Variants in XDH observed in about 807,000 individuals in gnomAD.
The protein encoded by XDH is xanthine dehydrogenase, also known as xanthine dehydrogenase/oxidase.
Under a neutral mutation model 156.1 loss-of-function variants are expected in XDH, and 138 were observed. The ratio of observed to expected loss-of-function variants is 0.88; its 90% CI spans 0.77 to 1.02. The LOEUF (loss-of-function observed/expected upper bound fraction) is 1.02. XDH is among the 50% of genes least tolerant of loss of function. The probability of loss-of-function intolerance (pLI) is 0.00; values close to 1 mark genes in which losing one functional copy is unlikely to be tolerated. For synonymous variants in XDH, 669 were observed against 625.7 expected, an observed-to-expected ratio of 1.07 and a Z score of -1.03; for missense variants, 1,849 against 1,684.9, an observed-to-expected ratio of 1.10 and a Z score of -1.71.
chr2:31,387,388 C>A (rs1686639847), intron 8 of XDH, among the ~76,000 whole-genome samples: 1 of 151,984 alleles, frequency 6.6e-6, no homozygotes, highest in South Asian at 2.1e-4. Context: ...AGAGAGCTCT[C>A]GTTTTTTGTT....
In XDH at chr2:31,405,907, A is replaced by T; in HGVS notation, c.100T>A (p.Leu34Met). 6.2e-7 allele frequency: 1 copy of T among 1,614,140 alleles called. No homozygotes were observed. The highest frequency in any genetic ancestry group is 8.5e-7 in the Non-Finnish European group (1 of 1,180,022). ...TTLLAYLRRK[L>M]GLSGTKLGCG... The stretch of plus-strand genomic sequence containing the variant: ...CACTCCCACTCCAAAGTCAGGATAC[A>T]CTTTCTTCTCAGGTAGGCCAAAAGG... The change falls in exon 2 of 36, where the codon TTG becomes ATG. Residue 34 changes from leucine to methionine, a missense_variant and splice_region_variant. Transcript: ENST00000379416.
In XDH at chr2:31,377,072, T is replaced by G; in HGVS notation, c.1408A>C (p.Thr470Pro). 1.9e-6 allele frequency: 3 copies of G among 1,614,120 alleles called. No individual in the cohort carries two copies. Among genetic ancestry groups the G allele is most frequent in the Non-Finnish European group, 2.5e-6 (3 of 1,180,012 alleles). The change falls in exon 14 of 36, where the codon ACT becomes CCT. Residue 470 changes from threonine (T) to proline (P), a missense_variant. By Grantham distance (38) the Thr-to-Pro change is conservative. Transcript: ENST00000379416. ...ANRTISALKT[T>P]QRQLSKLWKE... ...TCTTACTTGGAAAGCTGCCTCTGAG[T>G]GGTCTTGAGGGCTGAGATGGTTCTG...
chr2:31,355,848 T>A lies in XDH; in HGVS notation c.2632-5625A>T, dbSNP rs370324850. Among the ~76,000 whole-genome samples, 42 of 152,296 alleles carry A rather than the reference T, an allele frequency of 2.8e-4. 1 individual carries two copies. The East Asian group carries it at 5.0e-3, about 18-fold the overall frequency. On this transcript the variant is annotated intron_variant, in intron 24 of 35. Coordinates refer to ENST00000379416, the MANE Select transcript of XDH (RefSeq NM_000379.4). The stretch of plus-strand genomic sequence containing the variant: ...GATTAGCAGAATGGATTTACAAACA[T>A]GACCCAATTACATACTGTCTTCAAG...
intron 1 of XDH, 26 bp from the exon 2 acceptor site, chr2:31,405,990 A>T: frequency 6.2e-7 from 1 of 1,610,140 alleles, no homozygotes. Flanking sequence ...AAAGAAAAAT[A>T]TATCATAGGT....
chr2:31,386,366 C>T (rs759201165), intron 9 of XDH, 48 bp downstream of exon 9: 2 of 1,604,922 alleles, frequency 1.2e-6, no homozygotes, highest in Non-Finnish European at 1.7e-6. Flanking sequence ...GACCTAGAAA[C>T]ACCCCCAGAC....
Position 31,337,803 on chromosome 2 carries a change from C to A in XDH, c.3789G>T (p.Pro1263=). Residue 1263 remains proline, a synonymous_variant, in exon 35 of 36, where the codon CCG becomes CCT. Coordinates refer to ENST00000379416, the MANE Select transcript of XDH (RefSeq NM_000379.4). Reference sequence around the variant, plus strand: ...AGATAGAAGCAGCCAGGAAGAGGGGCGGCTCTCCAACAGCCTGAACACAGA... The same window carrying A: ...AGATAGAAGCAGCCAGGAAGAGGGGAGGCTCTCCAACAGCCTGAACACAGA... ...AIYASKAVGE[P]PLFLAASIFF... 1 of 1,614,036 alleles carries A rather than the reference C, an allele frequency of 6.2e-7. No individual in the cohort carries two copies. Among genetic ancestry groups the A allele is most frequent in the South Asian group, 1.1e-5 (1 of 91,054 alleles).
At chr2:31,382,618 C>T (rs1572550363) in intron 11 of XDH, among the ~76,000 whole-genome samples, 1 of 152,178 alleles carries the variant, frequency 6.6e-6, no homozygotes, top group African/African-American at 2.4e-5. Flanking sequence ...CCTCTCAATT[C>T]TGACTTCTCC....
chr2:31,358,114 T>C (rs1234768527), intron 24 of XDH, among the ~76,000 whole-genome samples: 1 of 152,108 alleles, frequency 6.6e-6, no homozygotes, highest in Non-Finnish European at 1.5e-5. Flanking sequence ...ACAGAACTCT[T>C]CACCCCAAAT....
intron 6 of XDH, among the ~76,000 whole-genome samples, chr2:31,389,089 A>G (rs1686691840): frequency 1.3e-5 from 2 of 152,210 alleles, no homozygotes; most frequent in African/African-American, 4.8e-5. Flanking sequence ...TGCTGAGATG[A>G]AAAAGTAGGG....
intron 5 of XDH, among the ~76,000 whole-genome samples, chr2:31,397,947 C>T (rs1163824156): frequency 6.6e-6 from 1 of 152,188 alleles, no homozygotes; most frequent in Non-Finnish European, 1.5e-5. Flanking sequence ...TCCTAGAATG[C>T]CCAGACTGAG....
rs370704181 is a variant in XDH, at chr2:31,388,225, A to G, written c.564+2T>C. 19 of 1,614,150 alleles carry G rather than the reference A, an allele frequency of 1.2e-5. No homozygotes were observed. Among genetic ancestry groups the G allele is most frequent in the Non-Finnish European group, 1.6e-5 (19 of 1,179,994 alleles). On this transcript the variant is annotated splice_donor_variant, in intron 7 of 35. Coordinates refer to ENST00000379416, the MANE Select transcript of XDH (RefSeq NM_000379.4). LOFTEE classifies it high-confidence loss of function. ...CTTCCAGGGGGAGAAGAACTCACTT[A>G]CTGAGTGGTCTTTCTTCTGGTTCAT...
intron 2 of XDH, 140 bp from the exon 3 acceptor site, chr2:31,403,284 C>G: frequency 1.2e-6 from 1 of 830,128 alleles, no homozygotes; most frequent in South Asian, 1.7e-5. Context: ...GGCAGCAGGC[C>G]CACTGGCCTC....
At chr2:31,408,791 C>T (rs1251544519) in intron 1 of XDH, among the ~76,000 whole-genome samples, 1 of 152,124 alleles carries the variant, frequency 6.6e-6, no homozygotes, top group Non-Finnish European at 1.5e-5. Context: ...TGGGTATATA[C>T]ACAAAAGAAA....
At chr2:31,400,103 T>C (rs1198172826) in intron 4 of XDH, among the ~76,000 whole-genome samples, 1 of 152,110 alleles carries the variant, frequency 6.6e-6, no homozygotes, top group Non-Finnish European at 1.5e-5. Flanking sequence ...TGGCCTCACA[T>C]GACTGGCCCA....
Position 31,388,251 on chromosome 2 carries a change from G to A in XDH, c.540C>T (p.Cys180=), listed in dbSNP as rs1175978044. Reference sequence around the variant, plus strand: ...CTGAGTGGTCTTTCTTCTGGTTCATGCAGCAATTTGGATTATTCCCATCTC... The same window carrying A: ...CTGAGTGGTCTTTCTTCTGGTTCATACAGCAATTTGGATTATTCCCATCTC... ...CGGDGNNPNC[C]MNQKKDHSVS... Residue 180 remains cysteine (C), a synonymous_variant, in exon 7 of 36, where the codon TGC becomes TGT. Coordinates refer to ENST00000379416, the MANE Select transcript of XDH (RefSeq NM_000379.4). 7 of 1,614,202 alleles carry A rather than the reference G, an allele frequency of 4.3e-6. No homozygotes were observed. The South Asian group carries it at 7.7e-5, about 18-fold the overall frequency.
At chr2:31,336,608 A>C (rs1037224333) in intron 35 of XDH, among the ~76,000 whole-genome samples, 3 of 151,448 alleles carry the variant, frequency 2.0e-5, no homozygotes, top group Non-Finnish European at 2.9e-5. Flanking sequence ...TGGGAGTGCC[A>C]CACGGTCTGT....
chr2:31,348,769 T>G, intron 27 of XDH, 130 bp downstream of exon 27: 2 of 837,448 alleles, frequency 2.4e-6, no homozygotes, highest in Non-Finnish European at 4.0e-6. Context: ...GACTTTCATT[T>G]AAAGAGCAAA....
At chr2:31,355,635 T>C (rs1047716723) in intron 24 of XDH, among the ~76,000 whole-genome samples, 3 of 152,006 alleles carry the variant, frequency 2.0e-5, no homozygotes, top group Non-Finnish European at 2.9e-5. Flanking sequence ...ATGTAAGAGA[T>C]ACTTTTAATA....
At position 31,341,365 on chromosome 2, in the gene XDH, A is replaced by C. The variant is rs1215580493; in HGVS notation, c.3549T>G (p.Val1183=). 6.3e-6 allele frequency: 10 copies of C among 1,579,890 alleles called. No individual in the cohort carries two copies. In the Middle Eastern group the frequency reaches 6.6e-4, roughly 105 times the overall value. The change falls in exon 33 of 36, where the codon GTT becomes GTG. Residue 1183 remains valine (V), a synonymous_variant. Coordinates refer to ENST00000379416, the MANE Select transcript of XDH (RefSeq NM_000379.4). The stretch of plus-strand genomic sequence containing the variant: ...CAATGGCAGGGTTTAGACTGGAGCC[A>C]ACATCCATGACAATATCTGTGCGGA... ...KNLRTDIVMD[V]GSSLNPAIDI...
Sources: allele counts gnomAD v4.1 joint callset (sites outside exome capture counted in the v4.1 genomes callset), GRCh38; gene constraint gnomAD v4.1.1; transcripts MANE v1.5; gene names NCBI Gene and HGNC (gene_info 2026-07-23, HGNC 2026-07-21).